The following JARID2 variants were observed in gnomAD, a reference collection of about 807,000 sequenced individuals.
JARID2 encodes the protein jumonji and AT-rich interaction domain containing 2.
JARID2 carries 21 observed loss-of-function variants against 125.6 expected under a neutral mutation model. That is an observed-to-expected ratio of 0.17 (90% confidence interval 0.12 to 0.24). The LOEUF is 0.24. Ranked by LOEUF, JARID2 falls within the 10% of genes least tolerant of loss-of-function variation. The pLI is 1.00. For missense variants in JARID2, 1,303 were observed against 1,639.6 expected (o/e 0.79, Z 3.55); for synonymous variants, 736 against 661.6 (o/e 1.11, Z -1.73).
At chr6:15,500,856 T>A (rs772689860) in intron 7 of JARID2, 51 bp from the exon 8 acceptor site, 1 of 1,499,836 alleles carries the variant, frequency 6.7e-7, no homozygotes, top group Non-Finnish European at 9.1e-7. Context: ...GAACATCTTG[T>A]TCGTGTCTCT....
intron 1 of JARID2, among the ~76,000 whole-genome samples, chr6:15,254,715 AT>A (rs915015241): frequency 6.6e-6 from 1 of 152,136 alleles, no homozygotes; most frequent in Non-Finnish European, 1.5e-5. Flanking sequence ...AGCAGTGTTT[AT>A]TTACCATGCT....
chr6:15,516,309 T>G (rs1337386605), intron 16 of JARID2, among the ~76,000 whole-genome samples: 1 of 152,228 alleles, frequency 6.6e-6, no homozygotes, highest in African/African-American at 2.4e-5. Flanking sequence ...GAATTTTTCC[T>G]TATTTTCAAA....
chr6:15,286,661 G>A (rs563022560), intron 1 of JARID2, among the ~76,000 whole-genome samples: 1 of 151,808 alleles, frequency 6.6e-6, no homozygotes, highest in South Asian at 2.1e-4. Flanking sequence ...GAGATCGAGA[G>A]CATCCTGGCT....
chr6:15,440,186 C>G (rs1474008598), intron 3 of JARID2, among the ~76,000 whole-genome samples: 1 of 152,254 alleles, frequency 6.6e-6, no homozygotes, highest in Non-Finnish European at 1.5e-5. Context: ...CACTGCTCAT[C>G]TGTTGTCCAC....
intron 1 of JARID2, among the ~76,000 whole-genome samples, chr6:15,294,763 C>T (rs1449399728): frequency 6.6e-6 from 1 of 152,182 alleles, no homozygotes; most frequent in East Asian, 1.9e-4. Context: ...TGGGGTGGCG[C>T]GTATCCCTGA....
chr6:15,344,362 G>A (rs146392785), intron 1 of JARID2, among the ~76,000 whole-genome samples: 1 of 152,076 alleles, frequency 6.6e-6, no homozygotes, highest in Non-Finnish European at 1.5e-5. Context: ...ACCTTGGGAT[G>A]TGGAGTGTGT....
At chr6:15,472,166 A>G (rs1769107247) in intron 5 of JARID2, among the ~76,000 whole-genome samples, 1 of 151,824 alleles carries the variant, frequency 6.6e-6, no homozygotes, top group Non-Finnish European at 1.5e-5. Flanking sequence ...GGCTGGGAAG[A>G]CTAGGTGGAA....
chr6:15,519,335 TTTAAC>T (rs1771719065), intron 17 of JARID2, among the ~76,000 whole-genome samples: 1 of 152,180 alleles, frequency 6.6e-6, no homozygotes, highest in South Asian at 2.1e-4. Context: ...CGAAGGCACC[TTTAAC>T]TTGTGATGGG....
chr6:15,332,753 T>TTG (rs138567462), intron 1 of JARID2, among the ~76,000 whole-genome samples: 3,835 of 152,190 alleles, frequency 0.025, 174 homozygotes, highest in African/African-American at 0.087. Context: ...AACAATTTTT[T>TTG]TGTGTGTGTG....
rs1765951845 is a variant in JARID2 at position 15,413,002 on chromosome 6, G to GGTTTTTTTTTTTTTTTTTTTTTTTTTTT, written c.323+2637_323+2638insGTTTTTTTTTTTTTTTTTTTTTTTTTTT. Among the ~76,000 whole-genome samples the GGTTTTTTTTTTTTTTTTTTTTTTTTTTT allele has an allele frequency of 8.6e-5, 4 of 46,532 alleles. 1 individual carries two copies. Among genetic ancestry groups the GGTTTTTTTTTTTTTTTTTTTTTTTTTTT allele is most frequent in the African/African-American group, 1.9e-4 (2 of 10,746 alleles). The allele number at this position is 46,532 out of a possible 152,430, so 30.5% of individuals were successfully genotyped here. A position where few individuals can be genotyped will look rare whatever the true frequency, so the allele number is the denominator to read the frequency against. On this transcript the variant is annotated intron_variant, in intron 3 of 17. Coordinates refer to ENST00000341776, the MANE Select transcript of JARID2 (RefSeq NM_004973.4). ...AACATTATACATGGGAAGAGCTTGT[G>GGTTTTTTTTTTTTTTTTTTTTTTTTTTT]TTTTTGTTTTTTTTTTTTTTGTTTT...
chr6:15,465,827 G>A (rs938301043), intron 4 of JARID2, among the ~76,000 whole-genome samples: 2 of 150,920 alleles, frequency 1.3e-5, no homozygotes, highest in East Asian at 1.9e-4. Flanking sequence ...TTTTTGAGAC[G>A]GAGTCTTGTT....
chr6:15,395,874 AG>A (rs1159719213), intron 2 of JARID2, among the ~76,000 whole-genome samples: 1 of 152,158 alleles, frequency 6.6e-6, no homozygotes, highest in East Asian at 1.9e-4. Flanking sequence ...CATGTTGGCC[AG>A]GATGGTCTTA....
chr6:15,356,519 G>A (rs1017474783), intron 1 of JARID2, among the ~76,000 whole-genome samples: 2 of 151,928 alleles, frequency 1.3e-5, no homozygotes, highest in African/African-American at 4.8e-5. Flanking sequence ...TATTTGTCAC[G>A]TAGTACATTG....
chr6:15,434,740 CAGA>C (rs1343428313), intron 3 of JARID2, among the ~76,000 whole-genome samples: 7 of 152,318 alleles, frequency 4.6e-5, no homozygotes, highest in South Asian at 4.1e-4. Context: ...CCTCATCTAT[CAGA>C]AGGAGATAAG....
chr6:15,335,113 C>CT (rs1762835239), intron 1 of JARID2, among the ~76,000 whole-genome samples: 1 of 151,560 alleles, frequency 6.6e-6, no homozygotes, highest in African/African-American at 2.4e-5. Context: ...CCTCCTTCTT[C>CT]TTTCCAGAGA....
chr6:15,262,224 C>G (rs1010720406), intron 1 of JARID2, among the ~76,000 whole-genome samples: 1 of 149,624 alleles, frequency 6.7e-6, no homozygotes, highest in African/African-American at 2.5e-5. Context: ...GCTGTGTTTC[C>G]TCGGTGGGTC....
At chr6:15,481,378 G>A (rs1323772539) in intron 5 of JARID2, among the ~76,000 whole-genome samples, 1 of 152,194 alleles carries the variant, frequency 6.6e-6, no homozygotes, top group African/African-American at 2.4e-5. Context: ...TGGGGACAGT[G>A]TGTGGAGGAC....
chr6:15,247,803 C>T, intron 1 of JARID2: 1 of 985,304 alleles, frequency 1.0e-6, no homozygotes, highest in Non-Finnish European at 1.2e-6. Context: ...ATAATCAAGC[C>T]CAACTTAGAA....
At chr6:15,344,104 A>C (rs1319567909) in intron 1 of JARID2, among the ~76,000 whole-genome samples, 1 of 89,166 alleles carries the variant, frequency 1.1e-5, no homozygotes, top group African/African-American at 4.2e-5. Flanking sequence ...GTATGTAGTG[A>C]TTTTTTTTTT....
Sources: allele counts gnomAD v4.1 joint callset (sites outside exome capture counted in the v4.1 genomes callset), GRCh38; gene constraint gnomAD v4.1.1; transcripts MANE v1.5; gene names NCBI Gene and HGNC (gene_info 2026-07-23, HGNC 2026-07-21).